Variants in SCN11A observed in about 807,000 individuals in gnomAD.
SCN11A encodes sodium channel protein type 11 subunit alpha.
Under a neutral mutation model 162.2 loss-of-function variants are expected in SCN11A, and 122 were observed. The observed-to-expected ratio is 0.75, with a 90% CI of 0.65 to 0.87. The LOEUF is 0.87. SCN11A is among the 40% of genes least tolerant of loss of function. The probability of loss-of-function intolerance (pLI) is 0.00; values close to 1 mark genes in which losing one functional copy is unlikely to be tolerated. For missense variants in SCN11A, 2,015 were observed against 2,181.6 expected (o/e 0.92, Z 1.52); for synonymous variants, 758 against 751.5 (o/e 1.01, Z -0.14).
At chr3:39,045,980 C>T (rs1005604465) in intron 1 of SCN11A, among the ~76,000 whole-genome samples, 1 of 152,136 alleles carries the variant, frequency 6.6e-6, no homozygotes, top group African/African-American at 2.4e-5. Flanking sequence ...ACAGTAGCGG[C>T]CAGGCACAGT....
intron 11 of SCN11A, among the ~76,000 whole-genome samples, chr3:38,912,710 C>A (rs966296676): frequency 6.6e-6 from 1 of 152,154 alleles, no homozygotes; most frequent in Non-Finnish European, 1.5e-5. Context: ...CTCCCACTTA[C>A]AAGTGAGAAC....
At chr3:39,039,531 T>C (rs1404814989) in intron 1 of SCN11A, among the ~76,000 whole-genome samples, 3 of 152,086 alleles carry the variant, frequency 2.0e-5, no homozygotes, top group African/African-American at 7.2e-5. Context: ...ACCATGCCCA[T>C]ACAGAAGACT....
intron 19 of SCN11A, among the ~76,000 whole-genome samples, chr3:38,892,868 G>T (rs1221237170): frequency 6.6e-6 from 1 of 151,706 alleles, no homozygotes; most frequent in African/African-American, 2.4e-5. Context: ...AATTCAAAAA[G>T]ATTTTGAAAA....
At chr3:38,851,475 C>T (rs887531656) in intron 28 of SCN11A, among the ~76,000 whole-genome samples, 3 of 152,134 alleles carry the variant, frequency 2.0e-5, no homozygotes, top group Non-Finnish European at 4.4e-5. Context: ...AGGTACAGGT[C>T]CTAACTCAAG....
chr3:38,906,653 C>T (rs1323918695), intron 14 of SCN11A, among the ~76,000 whole-genome samples: 1 of 152,144 alleles, frequency 6.6e-6, no homozygotes, highest in Non-Finnish European at 1.5e-5. Context: ...GCCACAGGCA[C>T]CTCTTACTTG....
intron 15 of SCN11A, 99 bp from the exon 16 acceptor site, chr3:38,904,202 C>T: frequency 1.5e-6 from 1 of 681,870 alleles, no homozygotes; most frequent in East Asian, 2.8e-5. Context: ...CCAGGGCCTC[C>T]TGATACATGA....
intron 2 of SCN11A, among the ~76,000 whole-genome samples, chr3:39,028,186 A>T (rs1050208101): frequency 3.3e-5 from 5 of 152,228 alleles, no homozygotes; most frequent in African/African-American, 1.2e-4. Flanking sequence ...TTGGAGGGTT[A>T]CACCCCAGAC....
At chr3:38,987,745 C>T (rs1455614193) in intron 2 of SCN11A, among the ~76,000 whole-genome samples, 6 of 152,096 alleles carry the variant, frequency 3.9e-5, no homozygotes, top group African/African-American at 7.2e-5. Context: ...CCACAGAGCC[C>T]GGGGCTGCTC....
In SCN11A at chr3:38,846,073, G is replaced by T. The variant is rs915508722; in HGVS notation, c.*621C>A. 9 of 152,160 alleles carry T rather than the reference G, an allele frequency of 5.9e-5. No homozygotes were observed. The highest frequency in any genetic ancestry group is 5.8e-4 in the East Asian group (3 of 5,182). 9.4% of individuals were successfully genotyped at this position (152,160 alleles called of 1,614,324 possible). ...AACTTAAAATTTTAATGTGTTTTTT[G>T]TTTCTTATTCTTTTTTGTTTAGATA... On this transcript the variant is annotated 3_prime_UTR_variant, in exon 30 of 30. Transcript: ENST00000302328.
chr3:39,011,169 G>C (rs1053242269), intron 2 of SCN11A, among the ~76,000 whole-genome samples: 1 of 152,218 alleles, frequency 6.6e-6, no homozygotes, highest in African/African-American at 2.4e-5. Context: ...ATGGTTTACA[G>C]AAAGGGTTTT....
At chr3:38,862,811 G>T (rs997293945) in intron 28 of SCN11A, among the ~76,000 whole-genome samples, 5 of 152,036 alleles carry the variant, frequency 3.3e-5, no homozygotes, top group Admixed American at 3.3e-4. Flanking sequence ...TGGGTGACAG[G>T]TGCACCAAAC....
intron 24 of SCN11A, 70 bp downstream of exon 24, chr3:38,872,122 CA>C: frequency 1.1e-6 from 1 of 945,168 alleles, no homozygotes; most frequent in Non-Finnish European, 1.7e-6. Flanking sequence ...AATCTCAGCC[CA>C]AAAAGAACTG....
Position 38,970,269 on chromosome 3 carries a change from A to G in SCN11A, c.-279-9846T>C, listed in dbSNP as rs944253306. ...CCTCTCAGGAATGAAACAGATTTCA[A>G]TACTGTTTCCAATCTTAAAGATGCC... On this transcript the variant is annotated intron_variant, in intron 2 of 29. Coordinates refer to ENST00000302328, the MANE Select transcript of SCN11A (RefSeq NM_001349253.2). Among the ~76,000 whole-genome samples the G allele has an allele frequency of 5.3e-5, 8 of 152,128 alleles. No homozygotes were observed. In the South Asian group the frequency reaches 1.2e-3, roughly 24 times the overall value.
At chr3:39,032,791 G>T (rs2031793314) in intron 1 of SCN11A, among the ~76,000 whole-genome samples, 1 of 152,080 alleles carries the variant, frequency 6.6e-6, no homozygotes, top group South Asian at 2.1e-4. Flanking sequence ...CATCTCATTT[G>T]AATTCAGAAG....
intron 19 of SCN11A, among the ~76,000 whole-genome samples, chr3:38,890,584 C>T (rs558960012): frequency 1.3e-5 from 2 of 152,330 alleles, no homozygotes; most frequent in South Asian, 4.1e-4. Flanking sequence ...GCTATCACTT[C>T]CTGAATTTAA....
At chr3:38,906,873 C>T (rs969487971) in intron 14 of SCN11A, among the ~76,000 whole-genome samples, 3 of 152,076 alleles carry the variant, frequency 2.0e-5, no homozygotes, top group Non-Finnish European at 1.5e-5. Context: ...ATCACTATAG[C>T]CTTGTGCCAC....
At chr3:39,018,706 T>C (rs13067470) in intron 2 of SCN11A, among the ~76,000 whole-genome samples, 15,810 of 151,988 alleles carry the variant, frequency 0.1, 879 homozygotes, top group Admixed American at 0.14. Context: ...TAGTCCCAGC[T>C]ACTTGGGAGG....
intron 2 of SCN11A, among the ~76,000 whole-genome samples, chr3:38,980,635 A>G (rs1245205645): frequency 3.3e-5 from 5 of 152,216 alleles, no homozygotes; most frequent in Non-Finnish European, 7.3e-5. Flanking sequence ...TCAAGTGTAT[A>G]TGAGCTCAAG....
intron 6 of SCN11A, 80 bp downstream of exon 6, chr3:38,946,709 C>T: frequency 2.3e-6 from 2 of 877,578 alleles, no homozygotes; most frequent in South Asian, 1.6e-5. Flanking sequence ...TATTTGCTTC[C>T]ATCCAATAAC....
Sources: gnomAD v4.1 joint callset for allele counts (sites outside exome capture counted in the v4.1 genomes callset) on GRCh38, gnomAD v4.1.1 for gene constraint, MANE v1.5 for transcripts, NCBI Gene and HGNC (gene_info 2026-07-23, HGNC 2026-07-21) for gene names.